KREMEN1: variants seen among roughly 807,000 people sequenced by gnomAD.
KREMEN1 encodes kremen protein 1.
Under a neutral mutation model 46.5 loss-of-function variants are expected in KREMEN1, and 30 were observed. That is an observed-to-expected ratio of 0.65 (90% CI 0.48 to 0.88). The LOEUF (loss-of-function observed/expected upper bound fraction) is 0.88. Ranked by LOEUF, KREMEN1 falls within the 40% of genes least tolerant of loss-of-function variation. KREMEN1 has a pLI of 0.00. For missense variants in KREMEN1, 533 were observed against 596.9 expected (o/e 0.89, Z 1.11); for synonymous variants, 214 against 230.6 (o/e 0.93, Z 0.65).
chr22:29,125,488 C>T (rs1287158250), intron 5 of KREMEN1, 72 bp downstream of exon 5: 3 of 1,472,806 alleles, frequency 2.0e-6, no homozygotes, highest in Non-Finnish European at 2.8e-6. Flanking sequence ...GCCTGCCCAC[C>T]CTCCCTCCCT....
rs199764170 is a variant in KREMEN1 at position 29,088,306 on chromosome 22, TAC to T, written c.98-5929_98-5928del. On this transcript the variant is annotated intron_variant, in intron 1 of 8. Transcript: ENST00000400335. ...ACGTGCGCACGCGTGCACGCGTGCA[TAC>T]ACACACACACACACACACACACGCA... 3.9e-3 allele frequency among the ~76,000 whole-genome samples: 584 copies of T among 149,772 alleles called. 1 individual carries two copies. Among genetic ancestry groups the T allele is most frequent in the Middle Eastern group, 0.018 (5 of 284 alleles).
intron 3 of KREMEN1, among the ~76,000 whole-genome samples, chr22:29,120,651 G>GAAGGAGGGAGAGGTGCTGACGGAAACAGA (rs1556010274): frequency 7.2e-5 from 11 of 151,878 alleles, no homozygotes; most frequent in South Asian, 2.1e-4. Context: ...GGAAACAGAG[G>GAAGGAGGGAGAGGTGCTGACGGAAACAGA]GTGAAATGGT....
rs2038795356 is a variant in KREMEN1 at position 29,143,115 on chromosome 22, A to T, written c.*1003A>T. The stretch of plus-strand genomic sequence containing the variant: ...CAGTGAGCCGAGATCGCACCACTGC[A>T]CTCCAGCCTGGGTGACAAGAGTGAG... On this transcript the variant is annotated 3_prime_UTR_variant, in exon 9 of 9. Transcript: ENST00000400335. 1 of 822,480 alleles carries T rather than the reference A, an allele frequency of 1.2e-6. No individual in the cohort carries two copies. Among genetic ancestry groups the T allele is most frequent in the Non-Finnish European group, 1.5e-6 (1 of 681,396 alleles). The allele number at this position is 822,480 out of a possible 1,614,324, so 50.9% of individuals were successfully genotyped here. A position where few individuals can be genotyped will look rare whatever the true frequency, so the allele number is the denominator to read the frequency against.
At chr22:29,161,032 G>A (rs1337068583) in intron 9 of KREMEN1, among the ~76,000 whole-genome samples, 1 of 152,118 alleles carries the variant, frequency 6.6e-6, no homozygotes, top group African/African-American at 2.4e-5. Flanking sequence ...AATAACAAAT[G>A]TGTCACTTGT....
At chr22:29,120,866 C>T (rs2038345135) in intron 3 of KREMEN1, among the ~76,000 whole-genome samples, 1 of 152,092 alleles carries the variant, frequency 6.6e-6, no homozygotes, top group South Asian at 2.1e-4. Flanking sequence ...GGTAATTTGT[C>T]CCAGCAGCAA....
chr22:29,140,170 C>T lies in KREMEN1; in HGVS notation c.1124-112C>T, dbSNP rs866205516. 3.9e-5 allele frequency: 31 copies of T among 793,126 alleles called. No homozygotes were observed. The Middle Eastern group carries it at 1.7e-3, about 43-fold the overall frequency. The allele number at this position is 793,126 out of a possible 1,614,324, so 49.1% of individuals were successfully genotyped here. A position where few individuals can be genotyped will look rare whatever the true frequency, so the allele number is the denominator to read the frequency against. On this transcript the variant is annotated intron_variant, in intron 7 of 8. Transcript: ENST00000400335. ...AGGTTTGCTAGCTGCCCTCCCACAC[C>T]GGCCTGCAGGGAGCCCCTCAGCCAG...
At chr22:29,133,359 G>A (rs1486005316) in intron 5 of KREMEN1, among the ~76,000 whole-genome samples, 3 of 151,340 alleles carry the variant, frequency 2.0e-5, no homozygotes. Flanking sequence ...GAGTGCAGTA[G>A]TGCAGTCATG....
At chr22:29,074,397 C>A (rs2037532882) in intron 1 of KREMEN1, among the ~76,000 whole-genome samples, 1 of 152,262 alleles carries the variant, frequency 6.6e-6, no homozygotes, top group African/African-American at 2.4e-5. Flanking sequence ...ACACCTTAGA[C>A]AGGTCACTCA....
chr22:29,157,174 G>A (rs189082800), intron 9 of KREMEN1, among the ~76,000 whole-genome samples: 6 of 152,286 alleles, frequency 3.9e-5, no homozygotes, highest in East Asian at 1.9e-4. Context: ...GGGGCTCCAC[G>A]CAAAGATTAC....
intron 3 of KREMEN1, among the ~76,000 whole-genome samples, chr22:29,117,348 G>A (rs911234305): frequency 1.2e-3 from 186 of 152,236 alleles, no homozygotes; most frequent in African/African-American, 4.1e-3. Flanking sequence ...TGGGCGGATC[G>A]CAAGGTCAGG....
At chr22:29,094,017 C>CT (rs748477052) in intron 1 of KREMEN1, among the ~76,000 whole-genome samples, 2 of 152,154 alleles carry the variant, frequency 1.3e-5, no homozygotes, top group Non-Finnish European at 2.9e-5. Context: ...GATCTGTATA[C>CT]TTTAGGGGAA....
chr22:29,143,844 T>A lies in KREMEN1; in HGVS notation c.*1732T>A, dbSNP rs995283175. 3.0e-6 allele frequency: 3 copies of A among 985,254 alleles called. No homozygotes were observed. The Admixed American group carries it at 1.8e-4, about 61-fold the overall frequency. The allele number at this position is 985,254 out of a possible 1,614,324, so 61.0% of individuals were successfully genotyped here. A position where few individuals can be genotyped will look rare whatever the true frequency, so the allele number is the denominator to read the frequency against. ...TCAGTGGGGAAGGAGAGCACTCTTG[T>A]CCCCAGTCCCTTGCCACCCTGTCCC... is the stretch of plus-strand genomic sequence containing the variant. On this transcript the variant is annotated 3_prime_UTR_variant, in exon 9 of 9. Transcript: ENST00000400335.
intron 1 of KREMEN1, among the ~76,000 whole-genome samples, chr22:29,075,169 C>T (rs1380763191): frequency 2.0e-5 from 3 of 152,156 alleles, no homozygotes; most frequent in African/African-American, 7.2e-5. Flanking sequence ...GAGTGAGGGA[C>T]ATTCCGAGAG....
At chr22:29,077,548 C>T (rs2037592883) in intron 1 of KREMEN1, among the ~76,000 whole-genome samples, 2 of 152,172 alleles carry the variant, frequency 1.3e-5, no homozygotes, top group South Asian at 4.1e-4. Context: ...GGGGTTTCAC[C>T]ATGTTGCCCA....
chr22:29,121,429 A>G lies in KREMEN1; in HGVS notation c.425A>G (p.Asn142Ser), dbSNP rs750617246. The change falls in exon 4 of 9, where the codon AAC becomes AGC. Residue 142 changes from asparagine (N) to serine (S), a missense_variant. Physicochemically the swap from Asn to Ser is conservative, Grantham distance 46 (BLOSUM62 1). Coordinates refer to ENST00000400335, the MANE Select transcript of KREMEN1 (RefSeq NM_001039570.3). ...PPLTGTSKTS[N>S]KLTIQTCISF... Reference sequence around the variant, plus strand: ...CTAACTGGCACCAGTAAAACGTCCAACAAACTCACCATACAAACTTGCATC... The same window carrying G: ...CTAACTGGCACCAGTAAAACGTCCAGCAAACTCACCATACAAACTTGCATC... The G allele has an allele frequency of 6.2e-7, 1 of 1,614,180 alleles. No individual in the cohort carries two copies. Among genetic ancestry groups the G allele is most frequent in the East Asian group, 2.2e-5 (1 of 44,888 alleles).
intron 9 of KREMEN1, among the ~76,000 whole-genome samples, chr22:29,153,034 C>T (rs780414715): frequency 7.7e-4 from 117 of 152,270 alleles, no homozygotes; most frequent in Middle Eastern, 3.4e-3. Context: ...GGGGAGTTCC[C>T]GGAACTGAGG....
intron 9 of KREMEN1, among the ~76,000 whole-genome samples, chr22:29,153,080 C>T (rs2038930097): frequency 6.6e-6 from 1 of 152,192 alleles, no homozygotes; most frequent in Non-Finnish European, 1.5e-5. Context: ...GGGTAACTTC[C>T]AGATATTGCC....
intron 1 of KREMEN1, among the ~76,000 whole-genome samples, chr22:29,093,517 A>G (rs1344682368): frequency 6.6e-6 from 1 of 152,168 alleles, no homozygotes; most frequent in Non-Finnish European, 1.5e-5. Context: ...GATTTTAGAA[A>G]CACATTGTTG....
At chr22:29,163,149 G>A (rs370171719) in intron 9 of KREMEN1, among the ~76,000 whole-genome samples, 3 of 152,164 alleles carry the variant, frequency 2.0e-5, no homozygotes, top group East Asian at 1.9e-4. Flanking sequence ...CCGCCCCGCC[G>A]TTCTCGTGAT....
Sources: allele counts gnomAD v4.1 joint callset (sites outside exome capture counted in the v4.1 genomes callset), GRCh38; gene constraint gnomAD v4.1.1; transcripts MANE v1.5; gene names NCBI Gene and HGNC (gene_info 2026-07-23, HGNC 2026-07-21).